The following USP30 variants were observed in gnomAD, a reference collection of about 807,000 sequenced individuals.
The protein encoded by USP30 is ubiquitin carboxyl-terminal hydrolase 30.
Under a neutral mutation model 68.2 loss-of-function variants are expected in USP30, and 41 were observed. The ratio of observed to expected loss-of-function variants is 0.60; its 90% CI spans 0.47 to 0.78. USP30 has a LOEUF of 0.78. Ranked by LOEUF, USP30 falls within the 30% of genes least tolerant of loss-of-function variation. The pLI is 0.00. For missense variants in USP30, 522 were observed against 649.4 expected, an observed-to-expected ratio of 0.80 and a Z score of 2.13; for synonymous variants, 229 against 253.7, an observed-to-expected ratio of 0.90 and a Z score of 0.93.
Position 109,084,912 on chromosome 12 carries a change from C to T in USP30, c.1169-41C>T, listed in dbSNP as rs200783368. 7.3e-6 allele frequency: 11 copies of T among 1,510,908 alleles called. No homozygotes were observed. The East Asian group carries it at 2.6e-4, about 36-fold the overall frequency. 93.6% of individuals were successfully genotyped at this position (1,510,908 alleles called of 1,614,324 possible). A position where few individuals can be genotyped will look rare whatever the true frequency, so the allele number is the denominator to read the frequency against. On this transcript the variant is annotated intron_variant, in intron 11 of 12. Transcript: ENST00000257548. ...CAAAACCAGGTTTTGTTTACAGAGC[C>T]ACTGCTAATTTTCATTGACTCGGGC...
At chr12:109,075,841 C>CTTTTTTT (rs34221615) in intron 7 of USP30, among the ~76,000 whole-genome samples, 14 of 119,660 alleles carry the variant, frequency 1.2e-4, no homozygotes, top group African/African-American at 1.8e-4. Context: ...GTTACTTTTT[C>CTTTTTTT]TTTTTTTTTT....
intron 7 of USP30, among the ~76,000 whole-genome samples, chr12:109,079,328 C>T (rs369263537): frequency 3.5e-4 from 13 of 36,796 alleles, no homozygotes; most frequent in South Asian, 7.5e-4. Flanking sequence ...CTCTTTTTTT[C>T]TTTTCTTTTT....
intron 2 of USP30, 138 bp downstream of exon 2, chr12:109,056,929 A>G (rs2040895340): frequency 3.7e-6 from 2 of 545,580 alleles, no homozygotes; most frequent in Non-Finnish European, 3.1e-6. Context: ...GTTTTCAAAC[A>G]GTACTTTTAC....
chr12:109,055,530 G>C (rs1032312932), intron 1 of USP30, among the ~76,000 whole-genome samples: 3 of 146,140 alleles, frequency 2.1e-5, no homozygotes, highest in African/African-American at 5.0e-5. Context: ...CTCCAGAGTA[G>C]CTGGGATTAC....
chr12:109,065,555 C>T (rs951040250), intron 3 of USP30, among the ~76,000 whole-genome samples: 1 of 152,170 alleles, frequency 6.6e-6, no homozygotes, highest in Admixed American at 6.5e-5. Context: ...ATGACAAAAA[C>T]GGAGGTACTG....
At chr12:109,079,362 T>TTTTTTTTTTTTTTTTTTTTTTTC (rs2041727197) in intron 7 of USP30, among the ~76,000 whole-genome samples, 1 of 119,300 alleles carries the variant, frequency 8.4e-6, no homozygotes. Context: ...TTTTTTTTTT[T>TTTTTTTTTTTTTTTTTTTTTTTC]TTTTTTTTTT....
chr12:109,059,710 G>A (rs867135391), intron 3 of USP30, among the ~76,000 whole-genome samples: 2 of 151,546 alleles, frequency 1.3e-5, no homozygotes, highest in African/African-American at 4.9e-5. Context: ...GACAGTGTTC[G>A]CCATGTTAGC....
At chr12:109,039,069 G>GC (rs1420804028) in intron 3 of USP30, among the ~76,000 whole-genome samples, 1 of 152,016 alleles carries the variant, frequency 6.6e-6, no homozygotes, top group Admixed American at 6.6e-5. Flanking sequence ...TCTTAACAGT[G>GC]TTTTTTGAAA....
intron 3 of USP30, among the ~76,000 whole-genome samples, chr12:109,043,471 G>C (rs2040578326): frequency 6.6e-6 from 1 of 152,192 alleles, no homozygotes; most frequent in Admixed American, 6.5e-5. Context: ...CAATACGATT[G>C]AATGGGAAAA....
At chr12:109,058,568 G>T (rs146810437) in intron 3 of USP30, among the ~76,000 whole-genome samples, 2 of 72,192 alleles carry the variant, frequency 2.8e-5, no homozygotes, top group African/African-American at 1.0e-4. Context: ...GCGAAACTCC[G>T]TCTCAAAAAA....
chr12:109,048,640 T>C (rs1042930511), upstream of USP30, among the ~76,000 whole-genome samples: 2 of 149,076 alleles, frequency 1.3e-5, no homozygotes, highest in African/African-American at 5.0e-5. Flanking sequence ...CTCAGGAGGC[T>C]AAGGCAGGAG....
In USP30 at chr12:109,076,208, T is replaced by G. The variant is rs1473226889; in HGVS notation, c.720+2676T>G. Among the ~76,000 whole-genome samples the G allele has an allele frequency of 2.0e-5, 3 of 152,204 alleles. No individual in the cohort carries two copies. In the East Asian group the frequency reaches 5.8e-4, roughly 29 times the overall value. Reference sequence around the variant, plus strand: ...GAATTTAAAAAAATTTATTTTCAAATTGTTTGCCACTAGTATATAGACATA... The same window carrying G: ...GAATTTAAAAAAATTTATTTTCAAAGTGTTTGCCACTAGTATATAGACATA... On this transcript the variant is annotated intron_variant, in intron 7 of 12. Coordinates refer to ENST00000257548, the MANE Select transcript of USP30 (RefSeq NM_032663.5).
intron 1 of USP30, among the ~76,000 whole-genome samples, chr12:109,055,080 A>G (rs1367135519): frequency 2.0e-5 from 3 of 152,122 alleles, no homozygotes; most frequent in East Asian, 1.9e-4. Context: ...CACATTACAT[A>G]GCTATATACA....
intron 3 of USP30, among the ~76,000 whole-genome samples, chr12:109,066,265 A>AG (rs2041245853): frequency 6.6e-6 from 1 of 151,708 alleles, no homozygotes; most frequent in East Asian, 1.9e-4. Context: ...AAAAAAAAAA[A>AG]AGCAAGCCTA....
At chr12:109,072,284 T>C in intron 5 of USP30, 21 bp from the exon 6 acceptor site, 1 of 1,606,752 alleles carries the variant, frequency 6.2e-7, no homozygotes, top group Non-Finnish European at 8.5e-7. Context: ...TCAGTCTGTT[T>C]TTTTTTTTTC....
intron 7 of USP30, among the ~76,000 whole-genome samples, chr12:109,074,650 C>A (rs774147033): frequency 5.3e-5 from 8 of 151,916 alleles, no homozygotes; most frequent in Non-Finnish European, 1.2e-4. Flanking sequence ...GAGATCTAAT[C>A]GACAATAAAA....
chr12:109,082,647 G>A lies in USP30; in HGVS notation c.868-16G>A. The A allele has an allele frequency of 2.5e-6, 4 of 1,613,434 alleles. No homozygotes were observed. The highest frequency in any genetic ancestry group is 3.4e-6 in the Non-Finnish European group (4 of 1,179,610). On this transcript the variant is annotated splice_polypyrimidine_tract_variant and intron_variant, in intron 9 of 12. Coordinates refer to ENST00000257548, the MANE Select transcript of USP30 (RefSeq NM_032663.5). Reference sequence around the variant, plus strand: ...ATTTTAGGCATTGCTGCAGAGAAATGTTCCTTTTATTTCAGATTGAAGCCA... The same window carrying A: ...ATTTTAGGCATTGCTGCAGAGAAATATTCCTTTTATTTCAGATTGAAGCCA...
intron 3 of USP30, among the ~76,000 whole-genome samples, chr12:109,037,701 G>T (rs965057828): frequency 6.6e-6 from 1 of 152,168 alleles, no homozygotes; most frequent in Non-Finnish European, 1.5e-5. Flanking sequence ...CTAATAATTG[G>T]ATAGAGATTT....
At chr12:109,058,198 T>C in intron 3 of USP30, 90 bp downstream of exon 3, 1 of 1,324,630 alleles carries the variant, frequency 7.5e-7, no homozygotes, top group South Asian at 1.5e-5. Context: ...TAATACCTTA[T>C]TGTAGGAAAA....
Sources: gnomAD v4.1 joint callset for allele counts (sites outside exome capture counted in the v4.1 genomes callset) on GRCh38, gnomAD v4.1.1 for gene constraint, MANE v1.5 for transcripts, NCBI Gene and HGNC (gene_info 2026-07-23, HGNC 2026-07-21) for gene names.